USP27X: variants seen among roughly 807,000 people sequenced by gnomAD.
The protein encoded by USP27X is ubiquitin carboxyl-terminal hydrolase 27.
For synonymous variants in USP27X, 109 were observed against 141.5 expected (o/e 0.77, Z 1.63); for missense variants, 161 against 341.0 (o/e 0.47, Z 4.16).
Position 49,880,870 on chromosome X carries a change from C to T in USP27X, c.563C>T (p.Ala188Val), listed in dbSNP as rs1557162607. 3 of 1,209,013 alleles carry T rather than the reference C, an allele frequency of 2.5e-6. No homozygotes were observed. The highest frequency in any genetic ancestry group is 1.8e-5 in the South Asian group (1 of 56,252). ...RHCKGDDVGK[A>V]ANNPNHCNCI... ...TGCAAAGGTGATGATGTCGGGAAGG[C>T]GGCCAACAATCCCAACCACTGTAAC... The change falls in exon 1 of 1, where the codon GCG becomes GTG. Residue 188 changes from alanine (A) to valine (V), a missense_variant. By Grantham distance (64) the Ala-to-Val change is moderately conservative. Transcript: ENST00000621775.
In USP27X at chrX:49,881,660, G is replaced by A. The variant is rs1197260742; in HGVS notation, c.*36G>A. The A allele has an allele frequency of 2.5e-5, 26 of 1,060,735 alleles. No homozygotes were observed. Among genetic ancestry groups the A allele is most frequent in the East Asian group, 3.3e-5 (1 of 30,275 alleles). The allele number at this position is 1,060,735 out of a possible 1,213,427, so 87.4% of individuals were successfully genotyped here. A position where few individuals can be genotyped will look rare whatever the true frequency, so the allele number is the denominator to read the frequency against. On this transcript the variant is annotated 3_prime_UTR_variant, in exon 1 of 1. Coordinates refer to ENST00000621775, the MANE Select transcript of USP27X (RefSeq NM_001145073.3). ...AGACCTACCTGCAATGGAAGATGAC[G>A]ACACCAATACTACAACTGGCATCGA...
At position 49,879,791 on chromosome X, in the gene USP27X, G is replaced by A. The variant is rs1315694816; in HGVS notation, c.-517G>A. Among the ~76,000 whole-genome samples the A allele has an allele frequency of 1.8e-5, 2 of 111,871 alleles. No individual in the cohort carries two copies. Among genetic ancestry groups the A allele is most frequent in the African/African-American group, 3.2e-5 (1 of 30,897 alleles). On this transcript the variant is annotated 5_prime_UTR_variant, in exon 1 of 1. Transcript: ENST00000621775. Reference sequence around the variant, plus strand: ...AGCTGGAGGATGAGAACCCAGCGCGGAGCGGCGGTGGCGGCAACAGCGACG... The same window carrying A: ...AGCTGGAGGATGAGAACCCAGCGCGAAGCGGCGGTGGCGGCAACAGCGACG...
chrX:49,879,896 C>A lies in USP27X; in HGVS notation c.-412C>A, dbSNP rs1244183532. ...CGCGTCGCAGTCGTGCGCCGCGCCG[C>A]CGACCCCGGCCCCGGCCCCAGACCC... is the stretch of plus-strand genomic sequence containing the variant. On this transcript the variant is annotated 5_prime_UTR_variant, in exon 1 of 1. Transcript: ENST00000621775. 1 of 111,621 alleles carries A rather than the reference C, an allele frequency of 9.0e-6. No individual in the cohort carries two copies. Among genetic ancestry groups the A allele is most frequent in the Non-Finnish European group, 1.9e-5 (1 of 52,517 alleles). 9.2% of individuals were successfully genotyped at this position (111,621 alleles called of 1,213,427 possible). A position where few individuals can be genotyped will look rare whatever the true frequency, so the allele number is the denominator to read the frequency against.
rs1299320127 is a variant in USP27X at position 49,882,351 on chromosome X, A to G, written c.*727A>G. 5 of 119,840 alleles carry G rather than the reference A, an allele frequency of 4.2e-5. No homozygotes were observed. The highest frequency in any genetic ancestry group is 1.3e-4 in the African/African-American group (4 of 30,023). The allele number at this position is 119,840 out of a possible 1,213,427, so 9.9% of individuals were successfully genotyped here. ...AGTATAGTGTGTGTGTGTTAAAAAA[A>G]AAAAAAAAAAAAGAAAAAAAAAAGC... On this transcript the variant is annotated 3_prime_UTR_variant, in exon 1 of 1. Coordinates refer to ENST00000621775, the MANE Select transcript of USP27X (RefSeq NM_001145073.3).
Position 49,881,806 on chromosome X carries a change from G to C in USP27X, c.*182G>C, listed in dbSNP as rs969601922. 7.3e-5 allele frequency: 31 copies of C among 424,065 alleles called. No individual in the cohort carries two copies. Among genetic ancestry groups the C allele is most frequent in the Non-Finnish European group, 1.1e-4 (28 of 245,028 alleles). 34.9% of individuals were successfully genotyped at this position (424,065 alleles called of 1,213,427 possible). ...AGAAGGGGAGGGAGAAGAGGCTCTA[G>C]TCTAAGCAGTTGATGAAAGGGAAAT... On this transcript the variant is annotated 3_prime_UTR_variant, in exon 1 of 1. Coordinates refer to ENST00000621775, the MANE Select transcript of USP27X (RefSeq NM_001145073.3).
Position 49,880,612 on chromosome X carries a change from T to C in USP27X, c.305T>C (p.Leu102Pro). The change falls in exon 1 of 1, where the codon CTG becomes CCG. Residue 102 changes from leucine to proline, a missense_variant. Transcript: ENST00000621775. ...IVQALTHTPI[L>P]RDFFLSDRHR... Reference sequence around the variant, plus strand: ...CAGGCCCTCACCCACACGCCGATACTGAGAGATTTCTTTCTCTCTGACAGG... The same window carrying C: ...CAGGCCCTCACCCACACGCCGATACCGAGAGATTTCTTTCTCTCTGACAGG... The C allele has an allele frequency of 8.6e-7, 1 of 1,168,684 alleles. No individual in the cohort carries two copies.
chrX:49,879,877 G>T lies in USP27X; in HGVS notation c.-431G>T, dbSNP rs1924349974. On this transcript the variant is annotated 5_prime_UTR_variant, in exon 1 of 1. Transcript: ENST00000621775. ...CGGCCCCCCGATCCCTCTCCGCGTC[G>T]CAGTCGTGCGCCGCGCCGCCGACCC... The T allele has an allele frequency of 9.1e-6, 1 of 110,408 alleles. No individual in the cohort carries two copies. The highest frequency in any genetic ancestry group is 1.9e-5 in the Non-Finnish European group (1 of 52,132). 9.1% of individuals were successfully genotyped at this position (110,408 alleles called of 1,213,427 possible).
Position 49,880,160 on chromosome X carries a change from T to C in USP27X, c.-148T>C, listed in dbSNP as rs1924357310. On this transcript the variant is annotated 5_prime_UTR_variant, in exon 1 of 1. It removes an upstream start codon present in the reference 5' UTR. Transcript: ENST00000621775. ...GCAAGGCAAAGTCCTGCATCTGCCATGTGTGTGGCACCCATCTGAACAGAC... is the reference window on the plus strand; with the variant it reads ...GCAAGGCAAAGTCCTGCATCTGCCACGTGTGTGGCACCCATCTGAACAGAC... The C allele has an allele frequency of 2.1e-6, 1 of 473,479 alleles. No homozygotes were observed. Among genetic ancestry groups the C allele is most frequent in the Non-Finnish European group, 3.6e-6 (1 of 279,107 alleles). 39.0% of individuals were successfully genotyped at this position (473,479 alleles called of 1,213,427 possible). A position where few individuals can be genotyped will look rare whatever the true frequency, so the allele number is the denominator to read the frequency against.
Position 49,881,109 on chromosome X carries a change from C to T in USP27X, c.802C>T (p.Arg268Trp), listed in dbSNP as rs1924380199. The change falls in exon 1 of 1, where the codon CGG (arginine) becomes TGG (tryptophan). Residue 268 changes from arginine to tryptophan, a missense_variant. Arg to Trp is a moderately radical substitution (Grantham distance 101). Coordinates refer to ENST00000621775, the MANE Select transcript of USP27X (RefSeq NM_001145073.3). ...AATCACCACCCTCACGGACTGCTTG[C>T]GGAGGTTTACGAGGCCAGAGCACTT... ...PGITTLTDCL[R>W]RFTRPEHLGS... is the part of the protein sequence containing the mutation. 2 of 1,166,699 alleles carry T rather than the reference C, an allele frequency of 1.7e-6. No homozygotes were observed. Among genetic ancestry groups the T allele is most frequent in the Admixed American group, 2.6e-5 (1 of 38,529 alleles).
Position 49,881,708 on chromosome X carries a change from A to G in USP27X, c.*84A>G, listed in dbSNP as rs1222333736. On this transcript the variant is annotated 3_prime_UTR_variant, in exon 1 of 1. Transcript: ENST00000621775. ...CGAGATCTAAAGGACCTACTTGACC[A>G]TGGCCCATGGGCCTGACAGAGTAAG... 1 of 828,812 alleles carries G rather than the reference A, an allele frequency of 1.2e-6. No individual in the cohort carries two copies. Among genetic ancestry groups the G allele is most frequent in the South Asian group, 2.7e-5 (1 of 37,339 alleles). The allele number at this position is 828,812 out of a possible 1,213,427, so 68.3% of individuals were successfully genotyped here. A position where few individuals can be genotyped will look rare whatever the true frequency, so the allele number is the denominator to read the frequency against.
chrX:49,881,861 G>C lies in USP27X; in HGVS notation c.*237G>C. On this transcript the variant is annotated 3_prime_UTR_variant, in exon 1 of 1. Transcript: ENST00000621775. ...TGGTAGAAACACTCTGGGTGAGGAA[G>C]GCAGGAGCAGGAAAATGCTGACACT... The C allele has an allele frequency of 3.8e-6, 1 of 261,753 alleles. No individual in the cohort carries two copies. Among genetic ancestry groups the C allele is most frequent in the Non-Finnish European group, 7.0e-6 (1 of 143,078 alleles). The allele number at this position is 261,753 out of a possible 1,213,427, so 21.6% of individuals were successfully genotyped here.
rs1557162575 is a variant in USP27X, at chrX:49,880,775, T to C, written c.468T>C (p.His156=). 2 of 1,172,963 alleles carry C rather than the reference T, an allele frequency of 1.7e-6. No individual in the cohort carries two copies. Among genetic ancestry groups the C allele is most frequent in the Admixed American group, 5.1e-5 (2 of 39,193 alleles). Residue 156 remains histidine (H), a synonymous_variant, in exon 1 of 1, where the codon CAT becomes CAC. Transcript: ENST00000621775. The part of the protein sequence containing the change: ...LLHLVWIHAR[H]LAGYRQQDAH... ...ACCTGGTGTGGATACATGCCCGCCA[T>C]TTAGCAGGGTACAGGCAACAGGATG... is the stretch of plus-strand genomic sequence containing the variant.
In USP27X at chrX:49,880,816, T is replaced by C; in HGVS notation, c.509T>C (p.Ile170Thr). The C allele has an allele frequency of 8.4e-7, 1 of 1,191,135 alleles. No homozygotes were observed. The highest frequency in any genetic ancestry group is 1.1e-6 in the Non-Finnish European group (1 of 884,536). Residue 170 changes from isoleucine (I) to threonine (T), a missense_variant, in exon 1 of 1, where the codon ATT (isoleucine) becomes ACT (threonine). Physicochemically the swap from Ile to Thr is moderately conservative, Grantham distance 89. Coordinates refer to ENST00000621775, the MANE Select transcript of USP27X (RefSeq NM_001145073.3). ...YRQQDAHEFL[I>T]AALDVLHRHC... ...CAACAGGATGCCCACGAGTTCCTCA[T>C]TGCAGCGTTAGATGTCCTGCACAGG...
rs781866403 is a variant in USP27X, at chrX:49,881,351, T to C, written c.1044T>C (p.Asn348=). ...FMASSKESRM[N]GQLQLPTNSG... is the part of the protein sequence containing the mutation. ...CCTCAAGTAAAGAGAGCAGAATGAA[T>C]GGACAATTGCAGCTGCCAACCAATA... Residue 348 remains asparagine, a synonymous_variant, in exon 1 of 1, where the codon AAT becomes AAC. Transcript: ENST00000621775. The C allele has an allele frequency of 1.2e-5, 14 of 1,186,501 alleles. No individual in the cohort carries two copies. Among genetic ancestry groups the C allele is most frequent in the Non-Finnish European group, 1.4e-5 (12 of 882,973 alleles).
Position 49,880,140 on chromosome X carries a change from G to T in USP27X, c.-168G>T. ...AACCCCAGAGACCAGGAAAAGCAAG[G>T]CAAAGTCCTGCATCTGCCATGTGTG... is the stretch of plus-strand genomic sequence containing the variant. On this transcript the variant is annotated 5_prime_UTR_variant, in exon 1 of 1. Coordinates refer to ENST00000621775, the MANE Select transcript of USP27X (RefSeq NM_001145073.3). 2.3e-6 allele frequency: 1 copy of T among 436,221 alleles called. No individual in the cohort carries two copies. 35.9% of individuals were successfully genotyped at this position (436,221 alleles called of 1,213,427 possible).
In USP27X at chrX:49,881,643, C is replaced by A. The variant is rs1557162798; in HGVS notation, c.*19C>A. On this transcript the variant is annotated 3_prime_UTR_variant, in exon 1 of 1. Transcript: ENST00000621775. ...CTACTGAAGTGACACACAGACCTAC[C>A]TGCAATGGAAGATGACGACACCAAT... 3 of 1,109,096 alleles carry A rather than the reference C, an allele frequency of 2.7e-6. No homozygotes were observed. In the South Asian group the frequency reaches 6.5e-5, roughly 24 times the overall value. 91.4% of individuals were successfully genotyped at this position (1,109,096 alleles called of 1,213,427 possible).
rs1302019020 is a variant in USP27X at position 49,881,315 on chromosome X, G to A, written c.1008G>A (p.Thr336=). 3.4e-6 allele frequency: 4 copies of A among 1,171,420 alleles called. No homozygotes were observed. The highest frequency in any genetic ancestry group is 4.6e-6 in the Non-Finnish European group (4 of 875,338). ...YISFPLELDM[T]PFMASSKESR... ...CCTTTCCTCTGGAGCTGGATATGACGCCGTTTATGGCCTCAAGTAAAGAGA... is the reference window on the plus strand; with the variant it reads ...CCTTTCCTCTGGAGCTGGATATGACACCGTTTATGGCCTCAAGTAAAGAGA... Residue 336 remains threonine, a synonymous_variant, in exon 1 of 1, where the codon ACG becomes ACA. Transcript: ENST00000621775.
At position 49,880,430 on chromosome X, in the gene USP27X, A is replaced by G. The variant is rs188596012; in HGVS notation, c.123A>G (p.Pro41=). 8.6e-7 allele frequency: 1 copy of G among 1,166,747 alleles called. No individual in the cohort carries two copies. The highest frequency in any genetic ancestry group is 1.1e-6 in the Non-Finnish European group (1 of 872,878). The change falls in exon 1 of 1, where the codon CCA becomes CCG. Residue 41 remains proline (P), a synonymous_variant. Coordinates refer to ENST00000621775, the MANE Select transcript of USP27X (RefSeq NM_001145073.3). The part of the protein sequence containing the change: ...TEVSHQQCSV[P]GLGEKFPTWE... ...TTTCTCACCAGCAGTGTTCAGTGCC[A>G]GGCCTTGGTGAGAAATTCCCAACCT...
chrX:49,880,297 T>C lies in USP27X; in HGVS notation c.-11T>C. ...GCAGTAGACCTGTATTACGGAGGTA[T>C]ATACTGCTTTATGTGTAAGGACTAT... On this transcript the variant is annotated 5_prime_UTR_variant, in exon 1 of 1. Coordinates refer to ENST00000621775, the MANE Select transcript of USP27X (RefSeq NM_001145073.3). The C allele has an allele frequency of 8.9e-7, 1 of 1,122,540 alleles. No individual in the cohort carries two copies. The highest frequency in any genetic ancestry group is 1.2e-6 in the Non-Finnish European group (1 of 843,222). 92.5% of individuals were successfully genotyped at this position (1,122,540 alleles called of 1,213,427 possible).
Sources: allele counts gnomAD v4.1 joint callset (sites outside exome capture counted in the v4.1 genomes callset), GRCh38; gene constraint gnomAD v4.1.1; transcripts MANE v1.5; gene names NCBI Gene and HGNC (gene_info 2026-07-23, HGNC 2026-07-21).